Variants in CD200R1 observed in about 807,000 individuals in gnomAD.
The protein encoded by CD200R1 is cell surface glycoprotein CD200 receptor 1.
CD200R1 carries 30 observed loss-of-function variants against 38.1 expected under a neutral mutation model. The ratio of observed to expected loss-of-function variants is 0.79; its 90% CI spans 0.59 to 1.07. CD200R1 has a LOEUF of 1.07. Among genes scored for constraint, CD200R1 ranks in the 50% least tolerant of loss-of-function variants. The pLI is 0.00. For synonymous variants in CD200R1, 128 were observed against 152.1 expected (o/e 0.84, Z 1.16); for missense variants, 372 against 415.4 (o/e 0.90, Z 0.91).
chr3:112,956,799 G>A (rs912257454), intron 1 of CD200R1, among the ~76,000 whole-genome samples: 8 of 152,160 alleles, frequency 5.3e-5, no homozygotes, highest in African/African-American at 1.4e-4. Context: ...CCTTGGCCAC[G>A]AGATTGGTTT....
intron 1 of CD200R1, among the ~76,000 whole-genome samples, chr3:112,950,816 C>A (rs1055734863): frequency 2.6e-5 from 4 of 151,982 alleles, no homozygotes; most frequent in African/African-American, 7.3e-5. Context: ...TCTAAGCAAC[C>A]CTTTGCTCAA....
Position 112,975,021 on chromosome 3 carries a change from G to A in CD200R1, c.-164C>T, listed in dbSNP as rs571700268. On this transcript the variant is annotated 5_prime_UTR_variant, in exon 1 of 8. In the 5' UTR this introduces an upstream ATG that the reference lacks. Coordinates refer to ENST00000308611, the MANE Select transcript of CD200R1 (RefSeq NM_138806.4). ...CCTTCCTTCTAGCCCCTTCCTTCAC[G>A]TCTATGTGGTTTAGCCTGGTTAGTA... The A allele has an allele frequency of 5.7e-5, 35 of 614,356 alleles. No individual in the cohort carries two copies. Among genetic ancestry groups the A allele is most frequent in the South Asian group, 4.4e-4 (22 of 50,544 alleles). 38.1% of individuals were successfully genotyped at this position (614,356 alleles called of 1,614,324 possible).
Position 112,929,451 on chromosome 3 carries a change from T to C in CD200R1, c.259A>G (p.Ile87Val), listed in dbSNP as rs143135825. 4.3e-6 allele frequency: 7 copies of C among 1,613,708 alleles called. No individual in the cohort carries two copies. The highest frequency in any genetic ancestry group is 1.3e-5 in the African/African-American group (1 of 74,882). The change falls in exon 4 of 8, where the codon ATC becomes GTC. Residue 87 changes from isoleucine (I) to valine (V), a missense_variant. Ile to Val is a conservative substitution (Grantham distance 29). Coordinates refer to ENST00000308611, the MANE Select transcript of CD200R1 (RefSeq NM_138806.4). ...ATNAVLCCPP[I>V]ALRNLIIITW... ...ATTATGATCAAATTTCTTAATGCGA[T>C]AGGAGGGCAACAAAGCACAGCATTT... is the stretch of plus-strand genomic sequence containing the variant.
intron 1 of CD200R1, among the ~76,000 whole-genome samples, chr3:112,959,408 A>G (rs1932960847): frequency 6.6e-6 from 1 of 152,108 alleles, no homozygotes; most frequent in Non-Finnish European, 1.5e-5. Context: ...TCAGATAACC[A>G]TATTAGCTGC....
chr3:112,974,971 TTAC>T lies in CD200R1; in HGVS notation c.-117_-115del. 4 of 793,288 alleles carry T rather than the reference TTAC, an allele frequency of 5.0e-6. No individual in the cohort carries two copies. The highest frequency in any genetic ancestry group is 4.4e-5 in the South Asian group (3 of 67,914). 49.1% of individuals were successfully genotyped at this position (793,288 alleles called of 1,614,324 possible). On this transcript the variant is annotated 5_prime_UTR_variant, in exon 1 of 8. An upstream open reading frame in the 5' UTR loses its in-frame stop. Transcript: ENST00000308611. ...GTCAACTTCTCAGTACAGGATCCTC[TTAC>T]CCCATCAACAGTGGGGCACTCCCTT...
chr3:112,929,739 A>G (rs1195684938), intron 3 of CD200R1, among the ~76,000 whole-genome samples: 1 of 152,128 alleles, frequency 6.6e-6, no homozygotes, highest in African/African-American at 2.4e-5. Context: ...AATATGATAT[A>G]TAATAAAGTA....
chr3:112,929,264 T>G lies in CD200R1; in HGVS notation c.446A>C (p.His149Pro), dbSNP rs146577171. 1 of 1,614,174 alleles carries G rather than the reference T, an allele frequency of 6.2e-7. No individual in the cohort carries two copies. The highest frequency in any genetic ancestry group is 8.5e-7 in the Non-Finnish European group (1 of 1,180,016). Residue 149 changes from histidine (H) to proline (P), a missense_variant, in exon 4 of 8, where the codon CAT becomes CCT. By Grantham distance (77) the His-to-Pro change is moderately conservative. Transcript: ENST00000308611. Reference protein sequence around the residue: ...DLQIRTVAITHDGYYRCIMVT... With the variant: ...DLQIRTVAITPDGYYRCIMVT... ...CATTATGCATCTGTAATACCCGTCA[T>G]GAGTGATGGCCACGGTACGAATCTG...
chr3:112,973,740 C>T (rs888295216), intron 1 of CD200R1, among the ~76,000 whole-genome samples: 4 of 152,162 alleles, frequency 2.6e-5, no homozygotes, highest in Non-Finnish European at 5.9e-5. Flanking sequence ...ACCTTTTCTT[C>T]TTTCAATTAT....
intron 1 of CD200R1, among the ~76,000 whole-genome samples, chr3:112,953,879 C>T (rs1049475322): frequency 1.3e-5 from 2 of 151,680 alleles, no homozygotes; most frequent in African/African-American, 2.4e-5. Flanking sequence ...TTTTATTTAT[C>T]TTTTTAAAAA....
At chr3:112,925,342 C>G in intron 5 of CD200R1, 149 bp from the exon 6 acceptor site, 1 of 559,996 alleles carries the variant, frequency 1.8e-6, no homozygotes, top group Non-Finnish European at 3.2e-6. Flanking sequence ...ACATGCCAAT[C>G]TGGAAATGTT....
At chr3:112,963,058 C>G (rs1933062186) in intron 1 of CD200R1, among the ~76,000 whole-genome samples, 1 of 152,240 alleles carries the variant, frequency 6.6e-6, no homozygotes, top group South Asian at 2.1e-4. Flanking sequence ...GTTTCCTGCA[C>G]AAGCTCTCTT....
intron 1 of CD200R1, among the ~76,000 whole-genome samples, chr3:112,973,419 G>C (rs540436821): frequency 6.6e-6 from 1 of 152,260 alleles, no homozygotes; most frequent in Non-Finnish European, 1.5e-5. Context: ...GTTTAGTGGT[G>C]CTTACTGATG....
At position 112,921,359 on chromosome 3, in the gene CD200R1, C is replaced by T. The variant is rs900151658; in HGVS notation, c.*2318G>A. The T allele has an allele frequency of 2.6e-5, 4 of 151,632 alleles. No homozygotes were observed. The highest frequency in any genetic ancestry group is 5.9e-5 in the Non-Finnish European group (4 of 67,928). The allele number at this position is 151,632 out of a possible 1,614,324, so 9.4% of individuals were successfully genotyped here. On this transcript the variant is annotated 3_prime_UTR_variant, in exon 8 of 8. Coordinates refer to ENST00000308611, the MANE Select transcript of CD200R1 (RefSeq NM_138806.4). ...TATATCAATTATATCTCAGTAAAGC[C>T]GTTTTCAGAAGTTTGTAAGTGAAGC...
At position 112,974,831 on chromosome 3, in the gene CD200R1, G is replaced by A. The variant is rs771390395; in HGVS notation, c.27C>T (p.Asn9=). MLCPWRTA[N]LGLLLILTIF... ...TAGTCAAAATCAACAGTAGCCCTAG[G>A]TTAGCAGTTCTCCAAGGGCAGAGCA... is the stretch of plus-strand genomic sequence containing the variant. The change falls in exon 1 of 8, where the codon AAC becomes AAT. Residue 9 remains asparagine, a synonymous_variant. Coordinates refer to ENST00000308611, the MANE Select transcript of CD200R1 (RefSeq NM_138806.4). The A allele has an allele frequency of 6.2e-7, 1 of 1,613,540 alleles. No homozygotes were observed. The highest frequency in any genetic ancestry group is 8.5e-7 in the Non-Finnish European group (1 of 1,179,658).
At position 112,929,449 on chromosome 3, in the gene CD200R1, G is replaced by T; in HGVS notation, c.261C>A (p.Ile87=). 2.5e-6 allele frequency: 4 copies of T among 1,613,794 alleles called. No individual in the cohort carries two copies. The highest frequency in any genetic ancestry group is 1.7e-4 in the Middle Eastern group (1 of 6,050). ...TTATTATGATCAAATTTCTTAATGC[G>T]ATAGGAGGGCAACAAAGCACAGCAT... ...ATNAVLCCPP[I]ALRNLIIITW... is the part of the protein sequence containing the mutation. The change falls in exon 4 of 8, where the codon ATC becomes ATA. Residue 87 remains isoleucine, a synonymous_variant. Coordinates refer to ENST00000308611, the MANE Select transcript of CD200R1 (RefSeq NM_138806.4).
At chr3:112,946,032 C>CAAAAAAAAA (rs1208921538) in intron 2 of CD200R1, among the ~76,000 whole-genome samples, 2 of 71,852 alleles carry the variant, frequency 2.8e-5, no homozygotes, top group African/African-American at 1.1e-4. Flanking sequence ...GACTCCGTCT[C>CAAAAAAAAA]AAAAAAAAAA....
chr3:112,944,686 C>T (rs77590999), intron 2 of CD200R1, among the ~76,000 whole-genome samples: 147 of 151,936 alleles, frequency 9.7e-4, no homozygotes, highest in African/African-American at 3.3e-3. Flanking sequence ...AGATCAGTAA[C>T]GAAGAAATAA....
intron 2 of CD200R1, 77 bp from the exon 3 acceptor site, chr3:112,931,248 T>C: frequency 1.2e-6 from 1 of 863,526 alleles, no homozygotes; most frequent in Non-Finnish European, 1.9e-6. Context: ...CTCCACAAAG[T>C]CTTATCCAAC....
rs1002086762 is a variant in CD200R1, at chr3:112,922,090, G to A, written c.*1587C>T. The A allele has an allele frequency of 6.6e-6, 1 of 151,964 alleles. No homozygotes were observed. Among genetic ancestry groups the A allele is most frequent in the Non-Finnish European group, 1.5e-5 (1 of 67,940 alleles). 9.4% of individuals were successfully genotyped at this position (151,964 alleles called of 1,614,324 possible). A position where few individuals can be genotyped will look rare whatever the true frequency, so the allele number is the denominator to read the frequency against. ...GCTTGATCAAAATATCATGTGCCAA[G>A]TGTCATTAGATTAGCTTTACATCCA... On this transcript the variant is annotated 3_prime_UTR_variant, in exon 8 of 8. Coordinates refer to ENST00000308611, the MANE Select transcript of CD200R1 (RefSeq NM_138806.4).
Sources: gnomAD v4.1 joint callset for allele counts (sites outside exome capture counted in the v4.1 genomes callset) on GRCh38, gnomAD v4.1.1 for gene constraint, MANE v1.5 for transcripts, NCBI Gene and HGNC (gene_info 2026-07-23, HGNC 2026-07-21) for gene names.